The following KCNQ5 variants were observed in gnomAD, a reference collection of about 807,000 sequenced individuals.
KCNQ5 encodes the protein potassium voltage-gated channel subfamily KQT member 5.
A neutral mutation model predicts 98.2 loss-of-function variants in KCNQ5; 30 were observed. The observed-to-expected ratio is 0.31, with a 90% CI of 0.23 to 0.41. KCNQ5 has a LOEUF of 0.41. KCNQ5 is among the 10% of genes least tolerant of loss of function. KCNQ5 has a pLI of 1.00. For synonymous variants in KCNQ5, 458 were observed against 449.4 expected, an observed-to-expected ratio of 1.02 and a Z score of -0.24; for missense variants, 835 against 1,182.5, an observed-to-expected ratio of 0.71 and a Z score of 4.31.
intron 10 of KCNQ5, among the ~76,000 whole-genome samples, chr6:73,146,127 A>T (rs1776914015): frequency 1.3e-5 from 2 of 152,240 alleles, no homozygotes; most frequent in Admixed American, 6.5e-5. Flanking sequence ...TTTGATTAAC[A>T]ATATAGATTT....
chr6:72,838,898 C>T (rs898842266), intron 1 of KCNQ5, among the ~76,000 whole-genome samples: 3 of 139,396 alleles, frequency 2.2e-5, no homozygotes, highest in Admixed American at 7.6e-5. Context: ...TGCAGTGAGC[C>T]GAGATCCCGC....
intron 1 of KCNQ5, among the ~76,000 whole-genome samples, chr6:72,998,190 G>A (rs1769392697): frequency 6.6e-6 from 1 of 152,206 alleles, no homozygotes; most frequent in Admixed American, 6.5e-5. Flanking sequence ...GTGCCAGCCA[G>A]TGGGGTCAGC....
chr6:73,046,149 A>G (rs937201062), intron 3 of KCNQ5, among the ~76,000 whole-genome samples: 8 of 152,158 alleles, frequency 5.3e-5, no homozygotes, highest in Admixed American at 2.0e-4. Context: ...GACTCCCAAA[A>G]CTGCCACTGT....
At chr6:73,176,026 G>T (rs1451068381) in intron 11 of KCNQ5, among the ~76,000 whole-genome samples, 1 of 152,220 alleles carries the variant, frequency 6.6e-6, no homozygotes, top group Non-Finnish European at 1.5e-5. Context: ...ATGGTTGAAG[G>T]TGGAGGACAA....
At chr6:73,169,394 C>T (rs1777922701) in intron 10 of KCNQ5, among the ~76,000 whole-genome samples, 1 of 152,212 alleles carries the variant, frequency 6.6e-6, no homozygotes, top group Non-Finnish European at 1.5e-5. Flanking sequence ...AAAACTATTT[C>T]TGTAACTCCA....
intron 1 of KCNQ5, among the ~76,000 whole-genome samples, chr6:72,769,378 A>G (rs1383129142): frequency 6.6e-6 from 1 of 152,158 alleles, no homozygotes; most frequent in East Asian, 1.9e-4. Context: ...ATGATCAAAT[A>G]CAAAATCATA....
chr6:72,865,445 A>G (rs11963349), intron 1 of KCNQ5, among the ~76,000 whole-genome samples: 4,218 of 152,294 alleles, frequency 0.028, 203 homozygotes, highest in African/African-American at 0.095. Flanking sequence ...TTCACTACAG[A>G]ATATCGAACC....
chr6:72,758,921 G>A (rs949055384), intron 1 of KCNQ5, among the ~76,000 whole-genome samples: 1 of 152,098 alleles, frequency 6.6e-6, no homozygotes, highest in South Asian at 2.1e-4. Flanking sequence ...AGCCATATTA[G>A]GAAGAAGTGG....
intron 1 of KCNQ5, among the ~76,000 whole-genome samples, chr6:72,928,140 T>C (rs1026716684): frequency 1.3e-5 from 2 of 152,108 alleles, no homozygotes; most frequent in Non-Finnish European, 2.9e-5. Context: ...CGTGTTTTCA[T>C]GTTCATCTCT....
intron 1 of KCNQ5, among the ~76,000 whole-genome samples, chr6:72,769,698 C>G (rs6904110): frequency 0.6 from 90,406 of 151,852 alleles, 26,924 homozygotes; most frequent in Admixed American, 0.63. Context: ...AAAACAAACC[C>G]ACTAAAATGC....
intron 1 of KCNQ5, among the ~76,000 whole-genome samples, chr6:72,983,657 T>G (rs1768587968): frequency 6.6e-6 from 1 of 152,226 alleles, no homozygotes; most frequent in Admixed American, 6.5e-5. Context: ...TTACCAACCT[T>G]CTGAAGCCTA....
chr6:72,686,717 GTTTT>G (rs1554688157), intron 1 of KCNQ5, among the ~76,000 whole-genome samples: 1 of 97,462 alleles, frequency 1.0e-5, no homozygotes, highest in Non-Finnish European at 2.3e-5. Flanking sequence ...TTTATGGGTT[GTTTT>G]TTTTTTTTTT....
At chr6:73,037,998 A>G (rs754017964) in intron 2 of KCNQ5, among the ~76,000 whole-genome samples, 8 of 152,114 alleles carry the variant, frequency 5.3e-5, no homozygotes, top group Non-Finnish European at 1.0e-4. Flanking sequence ...TCAGTCTTCC[A>G]ATTCATAAAC....
At chr6:73,180,058 T>C (rs991718822) in intron 11 of KCNQ5, among the ~76,000 whole-genome samples, 11 of 152,184 alleles carry the variant, frequency 7.2e-5, no homozygotes, top group African/African-American at 2.4e-4. Flanking sequence ...CAGGCATCAC[T>C]AGGGGAGGCA....
At chr6:73,188,569 C>T (rs1349458845) in intron 11 of KCNQ5, among the ~76,000 whole-genome samples, 2 of 152,092 alleles carry the variant, frequency 1.3e-5, no homozygotes, top group Non-Finnish European at 2.9e-5. Context: ...TCTTTCCTTC[C>T]TCCTCTTATT....
intron 1 of KCNQ5, among the ~76,000 whole-genome samples, chr6:72,746,590 G>A (rs1037808718): frequency 6.6e-6 from 1 of 152,116 alleles, no homozygotes; most frequent in African/African-American, 2.4e-5. Context: ...ACTTAGAATT[G>A]TTTTCTTCCT....
rs541321093 is a variant in KCNQ5 at position 72,651,001 on chromosome 6, G to T, written c.398+28414G>T. ...CAGGTGGGAAGGAATAGGAACAGAG[G>T]CCAAATGCAGGAGATAATATTTTGT... is the stretch of plus-strand genomic sequence containing the variant. On this transcript the variant is annotated intron_variant, in intron 1 of 13. Transcript: ENST00000370398. Among the ~76,000 whole-genome samples the T allele has an allele frequency of 2.0e-5, 3 of 152,164 alleles. No individual in the cohort carries two copies. The Middle Eastern group carries it at 0.01, about 518-fold the overall frequency.
intron 1 of KCNQ5, among the ~76,000 whole-genome samples, chr6:72,887,716 TTATG>T (rs1333971927): frequency 8.5e-5 from 13 of 152,250 alleles, no homozygotes; most frequent in African/African-American, 3.1e-4. Flanking sequence ...CTTTATTGAG[TTATG>T]TATGCATATT....
intron 1 of KCNQ5, among the ~76,000 whole-genome samples, chr6:72,754,275 A>T (rs1040406792): frequency 1.3e-5 from 2 of 152,224 alleles, no homozygotes; most frequent in South Asian, 4.2e-4. Context: ...ATCTATTGAC[A>T]TGTTGATTTT....
Sources: allele counts gnomAD v4.1 joint callset (sites outside exome capture counted in the v4.1 genomes callset), GRCh38; gene constraint gnomAD v4.1.1; transcripts MANE v1.5; gene names NCBI Gene and HGNC (gene_info 2026-07-23, HGNC 2026-07-21).